PIKFYVE: variants seen among roughly 807,000 people sequenced by gnomAD.
PIKFYVE encodes phosphoinositide kinase, FYVE-type zinc finger containing, also known as 1-phosphatidylinositol 3-phosphate 5-kinase.
A neutral mutation model predicts 257.9 loss-of-function variants in PIKFYVE; 122 were observed. The ratio of observed to expected loss-of-function variants is 0.47; its 90% CI spans 0.41 to 0.55. The LOEUF (loss-of-function observed/expected upper bound fraction) is 0.55. PIKFYVE is among the 20% of genes least tolerant of loss of function. The pLI is 0.00. For synonymous variants in PIKFYVE, 892 were observed against 868.9 expected, an observed-to-expected ratio of 1.03 and a Z score of -0.47; for missense variants, 2,160 against 2,536.6, an observed-to-expected ratio of 0.85 and a Z score of 3.19.
chr2:208,343,002 T>G (rs1034422820), intron 32 of PIKFYVE, among the ~76,000 whole-genome samples: 3 of 151,864 alleles, frequency 2.0e-5, no homozygotes, highest in Non-Finnish European at 4.4e-5. Flanking sequence ...ACCATAATGG[T>G]TGGGCTGGTC....
chr2:208,316,928 A>G (rs1361440146), intron 15 of PIKFYVE, among the ~76,000 whole-genome samples: 1 of 152,244 alleles, frequency 6.6e-6, no homozygotes, highest in Non-Finnish European at 1.5e-5. Flanking sequence ...CTGCCTAACC[A>G]TATGTAGAAA....
At chr2:208,302,746 G>A (rs1049461475) in intron 10 of PIKFYVE, among the ~76,000 whole-genome samples, 3 of 151,934 alleles carry the variant, frequency 2.0e-5, no homozygotes, top group African/African-American at 4.8e-5. Context: ...AAATTTTATG[G>A]CATCTATTGA....
In PIKFYVE at chr2:208,330,510, T is replaced by C. The variant is rs1402369457; in HGVS notation, c.3792-13T>C. On this transcript the variant is annotated splice_polypyrimidine_tract_variant and intron_variant, in intron 22 of 41. Transcript: ENST00000264380. ...CATGCTTAATGTGAGAAGGGCTCTT[T>C]TGTTTGTCAAAGGCCTTCTTATCAG... 5.6e-6 allele frequency: 9 copies of C among 1,613,962 alleles called. No individual in the cohort carries two copies. Among genetic ancestry groups the C allele is most frequent in the Non-Finnish European group, 7.6e-6 (9 of 1,179,898 alleles).
At chr2:208,306,015 A>G (rs1426241299) in intron 12 of PIKFYVE, among the ~76,000 whole-genome samples, 1 of 152,244 alleles carries the variant, frequency 6.6e-6, no homozygotes, top group Non-Finnish European at 1.5e-5. Flanking sequence ...ATCAGAAAAC[A>G]GAAGCTTTTG....
chr2:208,302,053 C>CTA (rs1693757889), intron 9 of PIKFYVE, among the ~76,000 whole-genome samples, 189 bp from the exon 10 acceptor site: 1 of 152,132 alleles, frequency 6.6e-6, no homozygotes, highest in Non-Finnish European at 1.5e-5. Flanking sequence ...TTCTCCTTTA[C>CTA]TATAGTACCT....
rs1205193939 is a variant in PIKFYVE, at chr2:208,354,755, T to C, written c.6181+110T>C. ...AGTTGTAAAAAATAAGTGGTTATCA[T>C]TGATTTCATTGTCATTTCTAAAGTG... On this transcript the variant is annotated intron_variant, in intron 41 of 41. Coordinates refer to ENST00000264380, the MANE Select transcript of PIKFYVE (RefSeq NM_015040.4). 5 of 837,814 alleles carry C rather than the reference T, an allele frequency of 6.0e-6. No homozygotes were observed. In the African/African-American group the frequency reaches 6.8e-5, roughly 11 times the overall value. 51.9% of individuals were successfully genotyped at this position (837,814 alleles called of 1,614,324 possible). A position where few individuals can be genotyped will look rare whatever the true frequency, so the allele number is the denominator to read the frequency against.
At chr2:208,286,611 A>G (rs1409964802) in intron 6 of PIKFYVE, among the ~76,000 whole-genome samples, 1 of 151,782 alleles carries the variant, frequency 6.6e-6, no homozygotes, top group African/African-American at 2.4e-5. Flanking sequence ...ATCATAGCTC[A>G]GGGCAGCCTC....
Position 208,350,020 on chromosome 2 carries a change from T to TCATC in PIKFYVE, c.5375-4_5375-3insCATC. On this transcript the variant is annotated splice_region_variant and splice_polypyrimidine_tract_variant and intron_variant, in intron 35 of 41. Coordinates refer to ENST00000264380, the MANE Select transcript of PIKFYVE (RefSeq NM_015040.4). ...GGCTTTACTAATGATATTAAACCTT[T>TCATC]TAGATGAAGTAGATGGAGGAGATAC... 1 of 1,611,792 alleles carries TCATC rather than the reference T, an allele frequency of 6.2e-7. No homozygotes were observed. The highest frequency in any genetic ancestry group is 8.5e-7 in the Non-Finnish European group (1 of 1,178,514).
At chr2:208,335,657 C>A (rs1698055044) in intron 25 of PIKFYVE, 136 bp from the exon 26 acceptor site, 2 of 845,430 alleles carry the variant, frequency 2.4e-6, no homozygotes, top group Non-Finnish European at 1.9e-6. Flanking sequence ...ATTTACTCTG[C>A]AAAACTGTAT....
At chr2:208,292,926 A>C (rs1692495906) in intron 7 of PIKFYVE, among the ~76,000 whole-genome samples, 1 of 66,244 alleles carries the variant, frequency 1.5e-5, no homozygotes, top group Admixed American at 2.2e-4. Context: ...TTACTGATGT[A>C]GTTAGAGTAA....
chr2:208,330,016 A>G (rs1697338998), intron 22 of PIKFYVE, 103 bp downstream of exon 22: 3 of 1,476,172 alleles, frequency 2.0e-6, no homozygotes, highest in Non-Finnish European at 2.8e-6. Flanking sequence ...CTGTTACATG[A>G]TCCTCACTTT....
At chr2:208,288,665 C>A in intron 6 of PIKFYVE, 64 bp from the exon 7 acceptor site, 2 of 1,599,330 alleles carry the variant, frequency 1.3e-6, no homozygotes, top group South Asian at 2.3e-5. Flanking sequence ...AATGTTAAAG[C>A]GCCTCATTGA....
intron 18 of PIKFYVE, 107 bp from the exon 19 acceptor site, chr2:208,324,804 A>G (rs1574636235): frequency 7.4e-7 from 1 of 1,353,088 alleles, no homozygotes; most frequent in East Asian, 2.5e-5. Flanking sequence ...TTAAAAAGGA[A>G]ATTTGTGAAT....
intron 15 of PIKFYVE, among the ~76,000 whole-genome samples, chr2:208,316,330 A>G (rs887957760): frequency 3.9e-5 from 6 of 152,158 alleles, no homozygotes; most frequent in Non-Finnish European, 8.8e-5. Flanking sequence ...GTGCCGCAAT[A>G]AACATAATGT....
intron 16 of PIKFYVE, among the ~76,000 whole-genome samples, chr2:208,318,755 G>C (rs10201702): frequency 0.93 from 141,636 of 152,172 alleles, 66,434 homozygotes; most frequent in Non-Finnish European, 0.98. Context: ...GATTTTGAGA[G>C]CAGCCTGGCC....
At chr2:208,332,662 A>G (rs2125649292) in intron 23 of PIKFYVE, among the ~76,000 whole-genome samples, 1 of 152,298 alleles carries the variant, frequency 6.6e-6, no homozygotes, top group South Asian at 2.1e-4. Flanking sequence ...AATATTCACG[A>G]TATATTGCTA....
In PIKFYVE at chr2:208,328,166, TC is replaced by T; in HGVS notation, c.3619-12del. The T allele has an allele frequency of 1.2e-6, 2 of 1,613,582 alleles. No individual in the cohort carries two copies. Among genetic ancestry groups the T allele is most frequent in the Non-Finnish European group, 1.7e-6 (2 of 1,179,694 alleles). Reference sequence around the variant, plus strand: ...TGCAGTCACTTGCTCATCCATTCATTCCTTCTATTTCAGGTGGACTGTCTGA... The same window carrying T: ...TGCAGTCACTTGCTCATCCATTCATTCTTCTATTTCAGGTGGACTGTCTGA... On this transcript the variant is annotated splice_polypyrimidine_tract_variant and intron_variant, in intron 20 of 41. Transcript: ENST00000264380.
At position 208,325,682 on chromosome 2, in the gene PIKFYVE, A is replaced by G. The variant is rs1452138183; in HGVS notation, c.2871A>G (p.Glu957=). ...PQAVASVKHQ[E]HSTTACPAGL... is the part of the protein sequence containing the mutation. ...CTGTTGCCTCTGTGAAGCATCAAGA[A>G]CATAGCACAACAGCTTGCCCGGCGG... The change falls in exon 20 of 42, where the codon GAA becomes GAG. Residue 957 remains glutamate (E), a synonymous_variant. Coordinates refer to ENST00000264380, the MANE Select transcript of PIKFYVE (RefSeq NM_015040.4). The G allele has an allele frequency of 1.2e-6, 2 of 1,614,076 alleles. No individual in the cohort carries two copies. Among genetic ancestry groups the G allele is most frequent in the Non-Finnish European group, 8.5e-7 (1 of 1,179,986 alleles).
intron 7 of PIKFYVE, among the ~76,000 whole-genome samples, chr2:208,292,695 A>G (rs1692469136): frequency 6.6e-6 from 1 of 152,080 alleles, no homozygotes; most frequent in Non-Finnish European, 1.5e-5. Context: ...ATTTCATTTA[A>G]AAATTTAAAA....
Sources: allele counts gnomAD v4.1 joint callset (sites outside exome capture counted in the v4.1 genomes callset), GRCh38; gene constraint gnomAD v4.1.1; transcripts MANE v1.5; gene names NCBI Gene and HGNC (gene_info 2026-07-23, HGNC 2026-07-21).